The following INTS6 variants were observed in gnomAD, a reference collection of about 807,000 sequenced individuals.
The protein encoded by INTS6 is DEAD box protein.
Under a neutral mutation model 104.9 loss-of-function variants are expected in INTS6, and 16 were observed. The ratio of observed to expected loss-of-function variants is 0.15; its 90% confidence interval spans 0.10 to 0.23. INTS6 has a LOEUF of 0.23. Ranked by LOEUF, INTS6 falls within the 10% of genes least tolerant of loss-of-function variation. The pLI, the probability that INTS6 is intolerant of heterozygous loss-of-function variation, is 1.00. For missense variants in INTS6, 584 were observed against 1,062.8 expected, an observed-to-expected ratio of 0.55 and a Z score of 6.26; for synonymous variants, 324 against 358.7, an observed-to-expected ratio of 0.90 and a Z score of 1.09.
intron 3 of INTS6, chr13:51,442,868 G>T (rs559629569): frequency 6.6e-6 from 1 of 152,160 alleles, no homozygotes; most frequent in South Asian, 2.1e-4. Context: ...GCTGGGGACC[G>T]CTGCCCTAAA....
intron 3 of INTS6, chr13:51,440,606 T>G (rs1348185113): frequency 6.6e-6 from 1 of 152,230 alleles, no homozygotes; most frequent in Non-Finnish European, 1.5e-5. Context: ...ATACCATTTT[T>G]TATCTTTCAT....
chr13:51,434,037 G>A (rs951651106), intron 3 of INTS6, among the ~76,000 whole-genome samples: 1 of 152,160 alleles, frequency 6.6e-6, no homozygotes, highest in African/African-American at 2.4e-5. Context: ...TGTACCACCT[G>A]GAGGTCCTAT....
chr13:51,427,843 G>A (rs1957011188), intron 4 of INTS6, among the ~76,000 whole-genome samples: 2 of 152,052 alleles, frequency 1.3e-5, no homozygotes, highest in African/African-American at 4.8e-5. Context: ...GAACTAAAAG[G>A]TAAAAACTCT....
intron 4 of INTS6, among the ~76,000 whole-genome samples, chr13:51,406,055 C>G (rs1956558294): frequency 6.6e-6 from 1 of 151,854 alleles, no homozygotes; most frequent in African/African-American, 2.4e-5. Context: ...CATGGTTTTC[C>G]TTCTCTCCTC....
chr13:51,393,434 G>T (rs952416411), intron 5 of INTS6, among the ~76,000 whole-genome samples: 3 of 152,202 alleles, frequency 2.0e-5, no homozygotes, highest in Admixed American at 2.0e-4. Context: ...TATTTGGATA[G>T]TGCAATACCA....
At position 51,444,283 on chromosome 13, in the gene INTS6, T is replaced by C. The variant is rs1022989023; in HGVS notation, c.339+6742A>G. Reference sequence around the variant, plus strand: ...TTTTTTTTTTTTTTTTTTTTTTTTTTTAGTAGAGATGGGGTTTCACCACAT... The same window carrying C: ...TTTTTTTTTTTTTTTTTTTTTTTTTCTAGTAGAGATGGGGTTTCACCACAT... On this transcript the variant is annotated intron_variant, in intron 3 of 17. Transcript: ENST00000311234. 6 of 142,276 alleles carry C rather than the reference T, an allele frequency of 4.2e-5. No homozygotes were observed. The Admixed American group carries it at 4.3e-4, about 10-fold the overall frequency. 8.8% of individuals were successfully genotyped at this position (142,276 alleles called of 1,614,324 possible).
chr13:51,381,828 G>A (rs1275244105), intron 10 of INTS6, among the ~76,000 whole-genome samples: 1 of 151,100 alleles, frequency 6.6e-6, no homozygotes, highest in Non-Finnish European at 1.5e-5. Flanking sequence ...TCAGCCTCCC[G>A]AGTAGCTGGG....
At chr13:51,436,628 A>G (rs1040299612) in intron 3 of INTS6, 20 of 152,224 alleles carry the variant, frequency 1.3e-4, no homozygotes, top group Non-Finnish European at 2.5e-4. Context: ...GTAAGTCACC[A>G]TAAGAACTGC....
chr13:51,347,143 C>T, the INTS6 span: 15 of 1,613,906 alleles, frequency 9.3e-6, no homozygotes, highest in Non-Finnish European at 1.3e-5. Context: ...AGAGATTCTC[C>T]TCCACAGACA....
intron 4 of INTS6, among the ~76,000 whole-genome samples, chr13:51,413,528 G>A (rs1450486593): frequency 1.3e-5 from 2 of 152,048 alleles, no homozygotes; most frequent in Non-Finnish European, 2.9e-5. Context: ...AACTCAAAAT[G>A]AGCAAAAAAA....
chr13:51,378,100 T>C, intron 12 of INTS6, 139 bp downstream of exon 12: 1 of 651,326 alleles, frequency 1.5e-6, no homozygotes. Context: ...AGTGACAGTA[T>C]AATGATCATT....
At chr13:51,439,136 T>A (rs924122263) in intron 3 of INTS6, 1 of 152,198 alleles carries the variant, frequency 6.6e-6, no homozygotes, top group Non-Finnish European at 1.5e-5. Context: ...CTGCATCACC[T>A]AATAGTATAC....
chr13:51,443,128 TTAA>T lies in INTS6; in HGVS notation c.339+7894_339+7896del, dbSNP rs534865689. 2.4e-4 allele frequency: 37 copies of T among 152,338 alleles called. No homozygotes were observed. In the South Asian group the frequency reaches 6.8e-3, roughly 28 times the overall value. The allele number at this position is 152,338 out of a possible 1,614,324, so 9.4% of individuals were successfully genotyped here. ...ATGTTATTAAATAATATACAAATCC[TTAA>T]TAAAATCTCCATAACTGTTCTATCA... On this transcript the variant is annotated intron_variant, in intron 3 of 17. Transcript: ENST00000311234.
chr13:51,429,785 A>AAATAT (rs1156333077), intron 4 of INTS6, among the ~76,000 whole-genome samples: 37 of 92,378 alleles, frequency 4.0e-4, no homozygotes, highest in Non-Finnish European at 5.7e-4. Flanking sequence ...AAAAAAAAAA[A>AAATAT]ATATATATAT....
chr13:51,339,727 C>G, the INTS6 span: 2 of 152,238 alleles, frequency 1.3e-5, no homozygotes, highest in Non-Finnish European at 2.9e-5. Flanking sequence ...AAACGTGCAA[C>G]AGTGATACAA....
chr13:51,401,420 C>T lies in INTS6; in HGVS notation c.430-5937G>A, dbSNP rs1878471682. 2.0e-5 allele frequency among the ~76,000 whole-genome samples: 3 copies of T among 152,108 alleles called. No individual in the cohort carries two copies. The South Asian group carries it at 6.2e-4, about 32-fold the overall frequency. On this transcript the variant is annotated intron_variant, in intron 4 of 17. Coordinates refer to ENST00000311234, the MANE Select transcript of INTS6 (RefSeq NM_012141.3). ...ACAGAAAGAAGAAAACTGAGAATCA[C>T]AGTACTAGCTAACAAGATATTTAAT...
chr13:51,383,775 T>G lies in INTS6; in HGVS notation c.895-34A>C, dbSNP rs1956091856. ...GAAAGTCTTGTAATTACTACTTACA[T>G]GAAATTTCAGAAACAAAACTAAATA... On this transcript the variant is annotated intron_variant, in intron 7 of 17. Coordinates refer to ENST00000311234, the MANE Select transcript of INTS6 (RefSeq NM_012141.3). 3 of 1,533,824 alleles carry G rather than the reference T, an allele frequency of 2.0e-6. No homozygotes were observed. The Admixed American group carries it at 6.0e-5, about 31-fold the overall frequency.
the INTS6 span, among the ~76,000 whole-genome samples, chr13:51,344,725 C>T: frequency 6.6e-6 from 1 of 152,016 alleles, no homozygotes; most frequent in Non-Finnish European, 1.5e-5. Context: ...CACACACGAG[C>T]CACAAGAGCA....
At chr13:51,343,116 G>A in the INTS6 span, among the ~76,000 whole-genome samples, 411 of 152,292 alleles carry the variant, frequency 2.7e-3, 2 homozygotes, top group African/African-American at 9.1e-3. Flanking sequence ...TCCTGGCTTG[G>A]CTTCTGCAAC....
Sources: gnomAD v4.1 joint callset for allele counts (sites outside exome capture counted in the v4.1 genomes callset) on GRCh38, gnomAD v4.1.1 for gene constraint, MANE v1.5 for transcripts, NCBI Gene and HGNC (gene_info 2026-07-23, HGNC 2026-07-21) for gene names.